The following ERCC6L2 variants were observed in gnomAD, a reference collection of about 807,000 sequenced individuals.
ERCC6L2 encodes the protein DNA excision repair protein ERCC-6-like 2.
In ERCC6L2, 77 loss-of-function variants were observed where a neutral mutation model predicts 132.0. The observed-to-expected ratio is 0.58, with a 90% CI of 0.49 to 0.71. ERCC6L2 has a LOEUF of 0.71. Ranked by LOEUF, ERCC6L2 falls within the 30% of genes least tolerant of loss-of-function variation. ERCC6L2 has a pLI of 0.00. For missense variants in ERCC6L2, 1,542 were observed against 1,837.6 expected (o/e 0.84, Z 2.94); for synonymous variants, 583 against 632.4 (o/e 0.92, Z 1.17).
intron 17 of ERCC6L2, among the ~76,000 whole-genome samples, chr9:95,991,283 C>CA (rs2133158828): frequency 6.6e-6 from 1 of 152,198 alleles, no homozygotes; most frequent in South Asian, 2.1e-4. Flanking sequence ...GGATTCTTTA[C>CA]CACCACATTC....
In ERCC6L2 at chr9:96,014,746, C is replaced by G. The variant is rs114802478; in HGVS notation, c.*1543C>G. Among the ~76,000 whole-genome samples the G allele has an allele frequency of 1.3e-5, 2 of 152,094 alleles. No homozygotes were observed. The highest frequency in any genetic ancestry group is 2.9e-5 in the Non-Finnish European group (2 of 68,030). ...TATATGAGTTCGTCATTTGTTTGCTCTGTGCAGCTGAGTTGTGTCCAGACT... is the reference window on the plus strand; with the variant it reads ...TATATGAGTTCGTCATTTGTTTGCTGTGTGCAGCTGAGTTGTGTCCAGACT... On this transcript the variant is annotated 3_prime_UTR_variant, in exon 19 of 19. Coordinates refer to ENST00000653738, the MANE Select transcript of ERCC6L2 (RefSeq NM_020207.7).
chr9:96,029,775 TTTTG>T (rs762671616), intron 19 of ERCC6L2, among the ~76,000 whole-genome samples: 32 of 152,290 alleles, frequency 2.1e-4, no homozygotes, highest in Middle Eastern at 3.4e-3. Context: ...ATCATGGGTT[TTTTG>T]TTTGTTTGTT....
Position 96,012,616 on chromosome 9 carries a change from A to G in ERCC6L2, c.4066A>G (p.Thr1356Ala), listed in dbSNP as rs1316925089. Reference sequence around the variant, plus strand: ...AGAGGTGTTTTTTAATGATGCAGAAACTAAGAAATCACCTGTTAGTTCTAC... The same window carrying G: ...AGAGGTGTTTTTTAATGATGCAGAAGCTAAGAAATCACCTGTTAGTTCTAC... ...REEVFFNDAETKKSPVSSTQE... is the reference protein window; with the variant it reads ...REEVFFNDAEAKKSPVSSTQE... Residue 1356 changes from threonine (T) to alanine (A), a missense_variant, in exon 19 of 19, where the codon ACT (threonine) becomes GCT (alanine). Thr to Ala is a moderately conservative substitution (Grantham distance 58, BLOSUM62 0). Transcript: ENST00000653738. 1 of 1,367,540 alleles carries G rather than the reference A, an allele frequency of 7.3e-7. No homozygotes were observed. The highest frequency in any genetic ancestry group is 1.5e-5 in the African/African-American group (1 of 67,746). 84.7% of individuals were successfully genotyped at this position (1,367,540 alleles called of 1,614,324 possible). A position where few individuals can be genotyped will look rare whatever the true frequency, so the allele number is the denominator to read the frequency against.
At chr9:96,003,495 C>G (rs1221384076) in intron 17 of ERCC6L2, among the ~76,000 whole-genome samples, 4 of 152,190 alleles carry the variant, frequency 2.6e-5, no homozygotes, top group African/African-American at 7.2e-5. Context: ...CTACTTCTAG[C>G]CTGTGTGCCA....
intron 9 of ERCC6L2, among the ~76,000 whole-genome samples, chr9:95,925,374 G>GGT (rs1830056459): frequency 1.3e-5 from 2 of 152,206 alleles, no homozygotes; most frequent in African/African-American, 4.8e-5. Flanking sequence ...GTCACACAAG[G>GGT]GTCATGTTCA....
intron 13 of ERCC6L2, among the ~76,000 whole-genome samples, chr9:95,965,649 G>C (rs1326341947): frequency 6.6e-6 from 1 of 152,052 alleles, no homozygotes; most frequent in African/African-American, 2.4e-5. Context: ...GGGATTACAG[G>C]CACCCACCAC....
At chr9:95,957,951 T>C (rs1237699807) in intron 13 of ERCC6L2, among the ~76,000 whole-genome samples, 1 of 151,698 alleles carries the variant, frequency 6.6e-6, no homozygotes, top group East Asian at 1.9e-4. Context: ...TATGTATACA[T>C]GTGCCATGTT....
rs1204553223 is a variant in ERCC6L2, at chr9:95,972,502, T to G, written c.2751T>G (p.Asn917Lys). 1 of 1,289,640 alleles carries G rather than the reference T, an allele frequency of 7.8e-7. No homozygotes were observed. 79.9% of individuals were successfully genotyped at this position (1,289,640 alleles called of 1,614,324 possible). Residue 917 changes from asparagine (N) to lysine (K), a missense_variant, in exon 16 of 19, where the codon AAT becomes AAG. Around this residue, in one of 4 missense-constraint regions of ERCC6L2, gnomAD observed 945 missense variants for 1,105.2 expected, o/e 0.86. Coordinates refer to ENST00000653738, the MANE Select transcript of ERCC6L2 (RefSeq NM_020207.7). ...TQYTTERFPD[N>K]SIRFKPPLEG... ...ACACAACTGAGAGATTCCCCGACAA[T>G]AGTATAAGGTTTAAGCCACCCTTGG...
At chr9:95,930,646 T>C (rs1830293505) in intron 11 of ERCC6L2, among the ~76,000 whole-genome samples, 1 of 152,234 alleles carries the variant, frequency 6.6e-6, no homozygotes, top group African/African-American at 2.4e-5. Flanking sequence ...TATTTGTCTA[T>C]AAACTACTTT....
intron 17 of ERCC6L2, among the ~76,000 whole-genome samples, chr9:95,989,319 C>G (rs898916891): frequency 6.6e-6 from 1 of 152,214 alleles, no homozygotes; most frequent in African/African-American, 2.4e-5. Flanking sequence ...CTGCCTTGGT[C>G]TTTCAGGTGA....
intron 9 of ERCC6L2, among the ~76,000 whole-genome samples, chr9:95,926,749 A>G (rs998356205): frequency 3.9e-5 from 6 of 152,172 alleles, no homozygotes; most frequent in Admixed American, 2.0e-4. Flanking sequence ...ATGTAACACA[A>G]TGAATAAACC....
chr9:96,001,719 C>T, intron 17 of ERCC6L2, among the ~76,000 whole-genome samples: 1 of 152,268 alleles, frequency 6.6e-6, no homozygotes, highest in Non-Finnish European at 1.5e-5. Flanking sequence ...CGTGTGCTCG[C>T]ATTCCTCAGC....
chr9:95,994,496 C>G (rs368543043), intron 17 of ERCC6L2, among the ~76,000 whole-genome samples: 2 of 152,140 alleles, frequency 1.3e-5, no homozygotes, highest in South Asian at 2.1e-4. Context: ...GAGGTATATT[C>G]TGGAGAAGCC....
At chr9:96,031,549 A>G (rs1834460869) in intron 19 of ERCC6L2, among the ~76,000 whole-genome samples, 1 of 152,262 alleles carries the variant, frequency 6.6e-6, no homozygotes, top group Admixed American at 6.5e-5. Flanking sequence ...CGGCATCAGC[A>G]AAGTCCACAG....
At chr9:95,973,176 C>A in intron 16 of ERCC6L2, 88 bp downstream of exon 16, 1 of 924,766 alleles carries the variant, frequency 1.1e-6, no homozygotes, top group Non-Finnish European at 1.5e-6. Flanking sequence ...ACTTGTAAAA[C>A]AGCCCTAAAA....
chr9:96,006,564 T>TGTG (rs1214973108), intron 18 of ERCC6L2, among the ~76,000 whole-genome samples: 1 of 152,160 alleles, frequency 6.6e-6, no homozygotes, highest in East Asian at 1.9e-4. Context: ...TGGAGGGCAT[T>TGTG]GTGGGTCTTA....
At chr9:95,977,331 A>G (rs55936120) in intron 16 of ERCC6L2, among the ~76,000 whole-genome samples, 21,686 of 152,202 alleles carry the variant, frequency 0.14, 1,644 homozygotes, top group Admixed American at 0.19. Flanking sequence ...GAAGAGGTTC[A>G]GGACTAAAAC....
chr9:95,883,391 C>T (rs916969269), intron 2 of ERCC6L2, among the ~76,000 whole-genome samples: 21 of 152,136 alleles, frequency 1.4e-4, no homozygotes, highest in African/African-American at 4.3e-4. Context: ...AGACCGAACC[C>T]GTGGTGTTTC....
intron 4 of ERCC6L2, among the ~76,000 whole-genome samples, chr9:95,909,142 C>T (rs1007680251): frequency 6.6e-6 from 1 of 152,058 alleles, no homozygotes; most frequent in Non-Finnish European, 1.5e-5. Context: ...TATGCCATTT[C>T]AGGAATACAA....
Sources: allele counts gnomAD v4.1 joint callset (sites outside exome capture counted in the v4.1 genomes callset), GRCh38; gene constraint gnomAD v4.1.1; regional missense constraint gnomAD v4.1.1; transcripts MANE v1.5; gene names NCBI Gene and HGNC (gene_info 2026-07-23, HGNC 2026-07-21).